Variants in NDUFS4 observed in about 807,000 individuals in gnomAD.
NDUFS4 encodes NADH dehydrogenase [ubiquinone] iron-sulfur protein 4, mitochondrial.
In NDUFS4, 28 loss-of-function variants were observed where a neutral mutation model predicts 24.3. That is an observed-to-expected ratio of 1.15 (90% CI 0.85 to 1.58). The LOEUF (loss-of-function observed/expected upper bound fraction) is 1.58. Ranked by LOEUF, NDUFS4 falls within the 40% of genes most tolerant of loss-of-function variation. The probability of loss-of-function intolerance (pLI) is 0.00; values close to 1 mark genes in which losing one functional copy is unlikely to be tolerated. For synonymous variants in NDUFS4, 93 were observed against 69.7 expected, an observed-to-expected ratio of 1.34 and a Z score of -1.67; for missense variants, 223 against 207.9, an observed-to-expected ratio of 1.07 and a Z score of -0.45.
chr5:53,637,261 C>T (rs1751585536), intron 2 of NDUFS4, among the ~76,000 whole-genome samples: 1 of 152,176 alleles, frequency 6.6e-6, no homozygotes. Flanking sequence ...TCCTTACTCA[C>T]CTAGCTGTAA....
intron 3 of NDUFS4, among the ~76,000 whole-genome samples, chr5:53,655,364 C>T (rs936698312): frequency 6.8e-6 from 1 of 147,960 alleles, no homozygotes; most frequent in Admixed American, 6.7e-5. Flanking sequence ...TTAGTTTTGC[C>T]TATTTTTTTT....
At chr5:53,661,996 C>G (rs1235897199) in intron 4 of NDUFS4, among the ~76,000 whole-genome samples, 3 of 152,164 alleles carry the variant, frequency 2.0e-5, no homozygotes, top group Admixed American at 6.5e-5. Flanking sequence ...ATTTCCTTCT[C>G]CTGCCTGATT....
At chr5:53,590,771 C>G (rs1053971638) in intron 1 of NDUFS4, among the ~76,000 whole-genome samples, 1 of 152,060 alleles carries the variant, frequency 6.6e-6, no homozygotes, top group East Asian at 1.9e-4. Context: ...AAAATATTGT[C>G]GTGGTTTATA....
intron 2 of NDUFS4, among the ~76,000 whole-genome samples, chr5:53,643,269 G>A (rs900460874): frequency 6.6e-6 from 1 of 151,954 alleles, no homozygotes; most frequent in Non-Finnish European, 1.5e-5. Context: ...ATTTGTAAAA[G>A]GCAATAGTGA....
intron 1 of NDUFS4, among the ~76,000 whole-genome samples, chr5:53,582,431 A>G (rs1749599673): frequency 6.6e-6 from 1 of 152,070 alleles, no homozygotes; most frequent in Non-Finnish European, 1.5e-5. Context: ...ACACTCAAAC[A>G]TACCCACACT....
At chr5:53,603,850 A>G (rs1750411220) in intron 2 of NDUFS4, among the ~76,000 whole-genome samples, 2 of 152,146 alleles carry the variant, frequency 1.3e-5, no homozygotes, top group South Asian at 2.1e-4. Flanking sequence ...TTACACTCCT[A>G]TTTAAGTTGT....
At chr5:53,651,333 T>A (rs1752010128) in intron 3 of NDUFS4, among the ~76,000 whole-genome samples, 2 of 151,972 alleles carry the variant, frequency 1.3e-5, no homozygotes, top group South Asian at 4.1e-4. Context: ...TGTGAAATAT[T>A]TTAAATCTTT....
intron 4 of NDUFS4, among the ~76,000 whole-genome samples, chr5:53,682,337 CAGAAG>C (rs1740693940): frequency 1.3e-5 from 2 of 151,894 alleles, no homozygotes. Flanking sequence ...TATAAATACT[CAGAAG>C]AGAATAGACA....
chr5:53,610,038 A>G (rs1190802979), intron 2 of NDUFS4, among the ~76,000 whole-genome samples: 3 of 152,146 alleles, frequency 2.0e-5, no homozygotes, highest in East Asian at 1.9e-4. Flanking sequence ...ATTTTCCTCA[A>G]TAACTTTTCC....
At chr5:53,568,069 A>T (rs1175409377) in intron 1 of NDUFS4, among the ~76,000 whole-genome samples, 1 of 152,160 alleles carries the variant, frequency 6.6e-6, no homozygotes, top group Non-Finnish European at 1.5e-5. Context: ...AGCAATTCAG[A>T]ATTCTTGTTT....
intron 2 of NDUFS4, among the ~76,000 whole-genome samples, chr5:53,631,763 C>T (rs1213960216): frequency 6.6e-6 from 1 of 152,192 alleles, no homozygotes; most frequent in African/African-American, 2.4e-5. Context: ...TCTCAGACTG[C>T]TGCGCTAGCC....
At chr5:53,623,048 T>C (rs912520875) in intron 2 of NDUFS4, among the ~76,000 whole-genome samples, 1 of 152,228 alleles carries the variant, frequency 6.6e-6, no homozygotes, top group Non-Finnish European at 1.5e-5. Context: ...GGATTGTTTC[T>C]AGGGCTATTG....
chr5:53,601,293 G>A (rs1405665132), intron 1 of NDUFS4, among the ~76,000 whole-genome samples: 1 of 151,980 alleles, frequency 6.6e-6, no homozygotes, highest in Non-Finnish European at 1.5e-5. Flanking sequence ...ATGAGCCACC[G>A]CGCCCGGCTA....
chr5:53,658,599 T>A lies in NDUFS4; in HGVS notation c.399T>A (p.Asp133Glu). 1 of 1,613,278 alleles carries A rather than the reference T, an allele frequency of 6.2e-7. No individual in the cohort carries two copies. The highest frequency in any genetic ancestry group is 8.5e-7 in the Non-Finnish European group (1 of 1,179,540). The stretch of plus-strand genomic sequence containing the variant: ...TTCTAACCTTCAGTACTAAAGAAGA[T>A]GCAGTTTCCTTTGCAGAAAAAAATG... ...NMVLTFSTKE[D>E]AVSFAEKNGW... Residue 133 changes from aspartate (D) to glutamate (E), a missense_variant, in exon 4 of 5, where the codon GAT becomes GAA. Physicochemically the swap from Asp to Glu is conservative, Grantham distance 45. Transcript: ENST00000296684.
At chr5:53,568,250 G>A (rs1561331404) in intron 1 of NDUFS4, among the ~76,000 whole-genome samples, 1 of 151,598 alleles carries the variant, frequency 6.6e-6, no homozygotes, top group Non-Finnish European at 1.5e-5. Context: ...TTAAACCCTT[G>A]TGCATCAAAA....
chr5:53,563,815 A>G (rs1307692694), intron 1 of NDUFS4, among the ~76,000 whole-genome samples: 1 of 152,140 alleles, frequency 6.6e-6, no homozygotes, highest in Non-Finnish European at 1.5e-5. Context: ...AGTTGTCTAC[A>G]TTTATCCTTA....
intron 1 of NDUFS4, among the ~76,000 whole-genome samples, chr5:53,586,006 A>G (rs1407471793): frequency 6.6e-6 from 1 of 152,070 alleles, no homozygotes; most frequent in Non-Finnish European, 1.5e-5. Context: ...GCTGACTAGT[A>G]TAGAATATTT....
At chr5:53,606,313 A>G (rs1205271496) in intron 2 of NDUFS4, among the ~76,000 whole-genome samples, 2 of 152,110 alleles carry the variant, frequency 1.3e-5, no homozygotes, top group Non-Finnish European at 2.9e-5. Flanking sequence ...GCCTTAGGGG[A>G]CCTTTTACTC....
chr5:53,560,836 C>T lies in NDUFS4; in HGVS notation c.98+76C>T, dbSNP rs572447953. 1.9e-6 allele frequency: 3 copies of T among 1,605,650 alleles called. No individual in the cohort carries two copies. In the African/African-American group the frequency reaches 4.0e-5, roughly 21 times the overall value. ...TGCGGAGTCTCTGCTGGCTGAGTTCCGGAGGAGGCCTCGGGGAAGGCGTCC... is the reference window on the plus strand; with the variant it reads ...TGCGGAGTCTCTGCTGGCTGAGTTCTGGAGGAGGCCTCGGGGAAGGCGTCC... On this transcript the variant is annotated intron_variant, in intron 1 of 4. Coordinates refer to ENST00000296684, the MANE Select transcript of NDUFS4 (RefSeq NM_002495.4).
Sources: gnomAD v4.1 joint callset for allele counts (sites outside exome capture counted in the v4.1 genomes callset) on GRCh38, gnomAD v4.1.1 for gene constraint, MANE v1.5 for transcripts, NCBI Gene and HGNC (gene_info 2026-07-23, HGNC 2026-07-21) for gene names.